SPTLC2: variants seen among roughly 807,000 people sequenced by gnomAD.
The protein encoded by SPTLC2 is serine palmitoyltransferase 2.
A neutral mutation model predicts 62.0 loss-of-function variants in SPTLC2; 21 were observed. The observed-to-expected ratio is 0.34, with a 90% confidence interval of 0.24 to 0.49. SPTLC2 has a LOEUF of 0.49. SPTLC2 is among the 20% of genes least tolerant of loss of function. The probability of loss-of-function intolerance (pLI) is 0.99; values close to 1 mark genes in which losing one functional copy is unlikely to be tolerated. For missense variants in SPTLC2, 511 were observed against 713.0 expected (o/e 0.72, Z 3.23); for synonymous variants, 261 against 261.8 (o/e 1.00, Z 0.03).
intron 9 of SPTLC2, among the ~76,000 whole-genome samples, chr14:77,525,105 T>C (rs1176531500): frequency 6.6e-6 from 1 of 151,924 alleles, no homozygotes; most frequent in Non-Finnish European, 1.5e-5. Flanking sequence ...AAATATCATA[T>C]GTACCCCATA....
rs2079633485 is a variant in SPTLC2 at position 77,564,431 on chromosome 14, AC to A, written c.757-1943del. Among the ~76,000 whole-genome samples, 6 of 132,444 alleles carry A rather than the reference AC, an allele frequency of 4.5e-5. No individual in the cohort carries two copies. The South Asian group carries it at 1.3e-3, about 29-fold the overall frequency. 86.9% of individuals were successfully genotyped at this position (132,444 alleles called of 152,430 possible). On this transcript the variant is annotated intron_variant, in intron 5 of 11. Coordinates refer to ENST00000216484, the MANE Select transcript of SPTLC2 (RefSeq NM_004863.4). Reference sequence around the variant, plus strand: ...CACACACACACACACACACACACACACACACACACACACACACACAGATGTG... The same window carrying A: ...CACACACACACACACACACACACACAACACACACACACACACACAGATGTG...
chr14:77,560,274 C>T (rs2140024721), intron 6 of SPTLC2, among the ~76,000 whole-genome samples: 1 of 152,132 alleles, frequency 6.6e-6, no homozygotes, highest in South Asian at 2.1e-4. Flanking sequence ...ATCTAAATGT[C>T]CATCAACAGT....
intron 2 of SPTLC2, among the ~76,000 whole-genome samples, chr14:77,593,196 A>T (rs2079827987): frequency 6.6e-6 from 1 of 152,170 alleles, no homozygotes; most frequent in Non-Finnish European, 1.5e-5. Context: ...CAAGCTGTGG[A>T]GGCAAAATGT....
At chr14:77,538,495 G>C (rs953445939) in intron 9 of SPTLC2, among the ~76,000 whole-genome samples, 2 of 152,174 alleles carry the variant, frequency 1.3e-5, no homozygotes, top group Non-Finnish European at 2.9e-5. Flanking sequence ...AGTAATGCAG[G>C]TCTCAGAAAG....
intron 9 of SPTLC2, among the ~76,000 whole-genome samples, chr14:77,530,259 G>T (rs913157869): frequency 1.3e-5 from 2 of 151,826 alleles, no homozygotes; most frequent in East Asian, 3.9e-4. Context: ...AGCAAACCTG[G>T]GTTAAAAACA....
chr14:77,597,104 T>G, intron 2 of SPTLC2, 82 bp downstream of exon 2: 1 of 1,435,182 alleles, frequency 7.0e-7, no homozygotes, highest in South Asian at 1.3e-5. Context: ...CCCAAATTTC[T>G]GAGAAAAAGC....
At chr14:77,589,779 G>A (rs79919927) in intron 2 of SPTLC2, among the ~76,000 whole-genome samples, 11,672 of 143,040 alleles carry the variant, frequency 0.082, 594 homozygotes, top group Admixed American at 0.16. Flanking sequence ...GACAGAGCGA[G>A]AGTCCGTCTC....
rs2079466627 is a variant in SPTLC2, at chr14:77,535,827, G to A, written c.1304-14246C>T. 8.3e-6 allele frequency: 3 copies of A among 363,568 alleles called. No homozygotes were observed. In the Admixed American group the frequency reaches 1.2e-4, roughly 14 times the overall value. 22.5% of individuals were successfully genotyped at this position (363,568 alleles called of 1,614,324 possible). On this transcript the variant is annotated intron_variant, in intron 9 of 11. Transcript: ENST00000216484. ...GACTGGCTGGCTATTAAAACCAGGT[G>A]AAAGTGGACAGAAATCTAAGTCAAG...
rs886050838 is a variant in SPTLC2, at chr14:77,508,888, T to C, written c.*3396A>G. ...CTTCAAAGCCCAGCACCACCATATA[T>C]TGGTTTTCTCTAGAGTTGGAATTTT... On this transcript the variant is annotated 3_prime_UTR_variant, in exon 12 of 12. Coordinates refer to ENST00000216484, the MANE Select transcript of SPTLC2 (RefSeq NM_004863.4). 1.3e-5 allele frequency: 2 copies of C among 152,170 alleles called. No individual in the cohort carries two copies. The highest frequency in any genetic ancestry group is 4.8e-5 in the African/African-American group (2 of 41,432). The allele number at this position is 152,170 out of a possible 1,614,324, so 9.4% of individuals were successfully genotyped here. A position where few individuals can be genotyped will look rare whatever the true frequency, so the allele number is the denominator to read the frequency against.
chr14:77,551,560 G>C (rs1474853458), intron 9 of SPTLC2, among the ~76,000 whole-genome samples: 2 of 152,126 alleles, frequency 1.3e-5, no homozygotes, highest in Admixed American at 6.6e-5. Context: ...ATGTCAGAAA[G>C]TGAACACTGA....
chr14:77,582,791 G>A (rs925332539), intron 2 of SPTLC2, among the ~76,000 whole-genome samples: 3 of 152,304 alleles, frequency 2.0e-5, no homozygotes, highest in Admixed American at 6.5e-5. Context: ...GACCAAAAGC[G>A]GGTGGCATAG....
In SPTLC2 at chr14:77,509,146, A is replaced by T. The variant is rs536958075; in HGVS notation, c.*3138T>A. 6 of 152,344 alleles carry T rather than the reference A, an allele frequency of 3.9e-5. No individual in the cohort carries two copies. In the South Asian group the frequency reaches 1.2e-3, roughly 32 times the overall value. The allele number at this position is 152,344 out of a possible 1,614,324, so 9.4% of individuals were successfully genotyped here. ...ATCATGAATGTTTACGATAGTGACT[A>T]AAGCACTACGATGGCTGGATTCTTC... On this transcript the variant is annotated 3_prime_UTR_variant, in exon 12 of 12. Transcript: ENST00000216484.
At chr14:77,517,836 G>C (rs552802207) in intron 11 of SPTLC2, among the ~76,000 whole-genome samples, 1 of 151,808 alleles carries the variant, frequency 6.6e-6, no homozygotes, top group Non-Finnish European at 1.5e-5. Flanking sequence ...AGACAAAGCC[G>C]GAAAATTCTC....
intron 1 of SPTLC2, among the ~76,000 whole-genome samples, chr14:77,608,207 A>G (rs936052493): frequency 8.5e-5 from 13 of 152,204 alleles, no homozygotes; most frequent in African/African-American, 3.1e-4. Context: ...TCACGCTAGT[A>G]AGAACATTCA....
Position 77,512,376 on chromosome 14 carries a change from C to T in SPTLC2, c.1597G>A (p.Asp533Asn), listed in dbSNP as rs1334152040. Reference sequence around the variant, plus strand: ...CGGGAATACTTCAGCTGCAATAGGTCCCCAACTTCATCTATCTCCTTTAAA... The same window carrying T: ...CGGGAATACTTCAGCTGCAATAGGTTCCCAACTTCATCTATCTCCTTTAAA... ...TALKEIDEVG[D>N]LLQLKYSRHR... The change falls in exon 12 of 12, where the codon GAC becomes AAC. Residue 533 changes from aspartate to asparagine, a missense_variant. Asp to Asn is a conservative substitution (Grantham distance 23). Coordinates refer to ENST00000216484, the MANE Select transcript of SPTLC2 (RefSeq NM_004863.4). The T allele has an allele frequency of 6.2e-7, 1 of 1,614,194 alleles. No homozygotes were observed. Among genetic ancestry groups the T allele is most frequent in the Non-Finnish European group, 8.5e-7 (1 of 1,180,032 alleles).
At chr14:77,544,178 T>C (rs1221711168) in intron 9 of SPTLC2, among the ~76,000 whole-genome samples, 1 of 152,090 alleles carries the variant, frequency 6.6e-6, no homozygotes, top group Non-Finnish European at 1.5e-5. Context: ...GGCTAATTTT[T>C]AGAATTTTTT....
intron 1 of SPTLC2, among the ~76,000 whole-genome samples, chr14:77,615,833 TAG>T (rs1248184030): frequency 2.6e-5 from 4 of 151,936 alleles, no homozygotes; most frequent in Non-Finnish European, 4.4e-5. Context: ...GAGCCTGGGG[TAG>T]AGTCTCACCA....
At chr14:77,523,115 A>C (rs2079392777) in intron 9 of SPTLC2, among the ~76,000 whole-genome samples, 1 of 152,248 alleles carries the variant, frequency 6.6e-6, no homozygotes, top group Non-Finnish European at 1.5e-5. Flanking sequence ...GTTATATTTA[A>C]GTATGTTGGG....
intron 9 of SPTLC2, among the ~76,000 whole-genome samples, chr14:77,521,997 G>C (rs942822012): frequency 4.6e-5 from 7 of 152,238 alleles, no homozygotes; most frequent in African/African-American, 1.7e-4. Flanking sequence ...CAAGTAGCAA[G>C]TGGCATAGCT....
Sources: gnomAD v4.1 joint callset for allele counts (sites outside exome capture counted in the v4.1 genomes callset) on GRCh38, gnomAD v4.1.1 for gene constraint, MANE v1.5 for transcripts, NCBI Gene and HGNC (gene_info 2026-07-23, HGNC 2026-07-21) for gene names.